CDH18: variants seen among roughly 807,000 people sequenced by gnomAD.
CDH18 encodes the protein cadherin-18.
A neutral mutation model predicts 67.9 loss-of-function variants in CDH18; 31 were observed. The observed-to-expected ratio is 0.46, with a 90% CI of 0.34 to 0.62. The LOEUF (loss-of-function observed/expected upper bound fraction) is 0.62. Among genes scored for constraint, CDH18 ranks in the 20% least tolerant of loss-of-function variants. The pLI, the probability that CDH18 is intolerant of heterozygous loss-of-function variation, is 0.01. For synonymous variants in CDH18, 362 were observed against 347.2 expected (o/e 1.04, Z -0.48); for missense variants, 890 against 975.5 (o/e 0.91, Z 1.17).
chr5:20,384,846 A>G (rs1171031821), intron 1 of CDH18, among the ~76,000 whole-genome samples: 7 of 151,934 alleles, frequency 4.6e-5, no homozygotes, highest in African/African-American at 1.7e-4. Context: ...TTATTTATTC[A>G]TTTATTTTGA....
chr5:20,176,755 G>C (rs1352906166), intron 2 of CDH18, among the ~76,000 whole-genome samples: 1 of 152,052 alleles, frequency 6.6e-6, no homozygotes, highest in Non-Finnish European at 1.5e-5. Flanking sequence ...GCTCCATGTG[G>C]TTATTTTAAT....
At chr5:20,533,198 T>C (rs1182430121) in intron 1 of CDH18, among the ~76,000 whole-genome samples, 1 of 152,040 alleles carries the variant, frequency 6.6e-6, no homozygotes, top group African/African-American at 2.4e-5. Context: ...AGCAAACTAC[T>C]AAAAGCCAAG....
intron 1 of CDH18, among the ~76,000 whole-genome samples, chr5:20,460,084 G>A (rs1751140847): frequency 1.3e-5 from 2 of 152,012 alleles, no homozygotes; most frequent in African/African-American, 4.8e-5. Context: ...AGAAAGATTG[G>A]CATGTAGGCT....
At chr5:20,484,846 T>C (rs747198281) in intron 1 of CDH18, among the ~76,000 whole-genome samples, 2 of 151,924 alleles carry the variant, frequency 1.3e-5, no homozygotes, top group Non-Finnish European at 2.9e-5. Flanking sequence ...TATAGCTAGA[T>C]AGAATGAGTA....
At chr5:19,738,608 A>G (rs1248892950) in intron 4 of CDH18, among the ~76,000 whole-genome samples, 2 of 152,198 alleles carry the variant, frequency 1.3e-5, no homozygotes, top group African/African-American at 4.8e-5. Context: ...ATGCAGAAAA[A>G]TATGTATCTT....
Position 19,726,987 on chromosome 5 carries a change from T to A in CDH18, c.524-5521A>T, listed in dbSNP as rs369201486. ...ATGGCCTTCTGTGAACCAGGAAGTGTGCCATCATCATGGAATCTTCTTGCA... is the reference window on the plus strand; with the variant it reads ...ATGGCCTTCTGTGAACCAGGAAGTGAGCCATCATCATGGAATCTTCTTGCA... On this transcript the variant is annotated intron_variant, in intron 4 of 12. Coordinates refer to ENST00000382275, the MANE Select transcript of CDH18 (RefSeq NM_004934.5). Among the ~76,000 whole-genome samples the A allele has an allele frequency of 2.2e-4, 34 of 152,302 alleles. 1 individual carries two copies. The highest frequency in any genetic ancestry group is 7.9e-4 in the African/African-American group (33 of 41,570).
chr5:20,521,984 G>A (rs944296474), intron 1 of CDH18, among the ~76,000 whole-genome samples: 10 of 152,128 alleles, frequency 6.6e-5, no homozygotes, highest in South Asian at 2.1e-4. Context: ...ATATGTAATC[G>A]TGTTGTGAGA....
chr5:19,618,536 G>T (rs1290483153), intron 5 of CDH18, among the ~76,000 whole-genome samples: 2 of 152,042 alleles, frequency 1.3e-5, no homozygotes, highest in African/African-American at 4.8e-5. Flanking sequence ...AATTTGTTCA[G>T]TTTTTCATTT....
intron 1 of CDH18, among the ~76,000 whole-genome samples, chr5:20,383,050 A>G (rs1744041964): frequency 6.6e-6 from 1 of 152,148 alleles, no homozygotes; most frequent in African/African-American, 2.4e-5. Context: ...GACACAAACT[A>G]TCTAAAAATC....
intron 1 of CDH18, among the ~76,000 whole-genome samples, chr5:20,433,155 G>A (rs868424634): frequency 1.1e-4 from 17 of 150,990 alleles, no homozygotes; most frequent in East Asian, 1.9e-4. Context: ...CAATTTATAC[G>A]TTGAAGATCT....
intron 11 of CDH18, among the ~76,000 whole-genome samples, chr5:19,491,761 T>C (rs2126672946): frequency 6.6e-6 from 1 of 152,194 alleles, no homozygotes; most frequent in Admixed American, 6.5e-5. Context: ...ATAAAGCAAC[T>C]TATAAATGTT....
At chr5:19,634,462 G>A (rs1354744616) in intron 5 of CDH18, among the ~76,000 whole-genome samples, 2 of 152,102 alleles carry the variant, frequency 1.3e-5, no homozygotes, top group African/African-American at 4.8e-5. Context: ...TTCTCATTTG[G>A]TCGTAAGGCT....
intron 2 of CDH18, among the ~76,000 whole-genome samples, chr5:20,072,873 G>A (rs777542397): frequency 1.3e-4 from 19 of 151,734 alleles, no homozygotes; most frequent in Admixed American, 2.6e-4. Flanking sequence ...AGGATTGAAT[G>A]TATTTTCATA....
intron 1 of CDH18, among the ~76,000 whole-genome samples, chr5:20,364,570 A>C (rs78350325): frequency 0.023 from 3,493 of 152,282 alleles, 104 homozygotes; most frequent in East Asian, 0.077. Context: ...GAATTCAATT[A>C]TATTCAATTC....
intron 1 of CDH18, among the ~76,000 whole-genome samples, chr5:20,532,490 G>C (rs1561102118): frequency 6.6e-6 from 1 of 151,556 alleles, no homozygotes; most frequent in Admixed American, 6.6e-5. Context: ...ATACTATTTC[G>C]ATCAAAACTC....
intron 2 of CDH18, among the ~76,000 whole-genome samples, chr5:20,080,942 C>A (rs546826684): frequency 2.0e-5 from 3 of 152,160 alleles, no homozygotes; most frequent in Non-Finnish European, 4.4e-5. Context: ...TCTAATATTG[C>A]ATTAGTTACA....
chr5:20,062,677 C>G (rs1190159271), intron 2 of CDH18, among the ~76,000 whole-genome samples: 1 of 152,096 alleles, frequency 6.6e-6, no homozygotes, highest in East Asian at 1.9e-4. Context: ...GACTTGGGAA[C>G]AACTGTCAAA....
intron 9 of CDH18, among the ~76,000 whole-genome samples, chr5:19,538,225 T>C (rs1415055768): frequency 6.6e-6 from 1 of 152,212 alleles, no homozygotes; most frequent in Non-Finnish European, 1.5e-5. Context: ...GCACATGATC[T>C]CAGCCTTTTG....
At chr5:19,584,605 A>C (rs757927953) in intron 7 of CDH18, among the ~76,000 whole-genome samples, 6 of 151,886 alleles carry the variant, frequency 4.0e-5, no homozygotes, top group Non-Finnish European at 8.8e-5. Context: ...AAATTACGTG[A>C]ATGCAACATG....
Sources: allele counts gnomAD v4.1 joint callset (sites outside exome capture counted in the v4.1 genomes callset), GRCh38; gene constraint gnomAD v4.1.1; transcripts MANE v1.5; gene names NCBI Gene and HGNC (gene_info 2026-07-23, HGNC 2026-07-21).